NKAIN3: variants seen among roughly 807,000 people sequenced by gnomAD.
NKAIN3 encodes sodium/potassium transporting ATPase interacting 3.
NKAIN3 carries 25 observed loss-of-function variants against 30.2 expected under a neutral mutation model. The observed-to-expected ratio is 0.83, with a 90% CI of 0.60 to 1.16. The LOEUF (loss-of-function observed/expected upper bound fraction) is 1.16. NKAIN3 is among the 50% of genes most tolerant of loss of function. NKAIN3 has a pLI of 0.00. For missense variants in NKAIN3, 225 were observed against 254.1 expected (o/e 0.89, Z 0.78); for synonymous variants, 91 against 89.6 (o/e 1.02, Z -0.09).
intron 4 of NKAIN3, among the ~76,000 whole-genome samples, chr8:62,811,719 T>A (rs141949950): frequency 9.3e-4 from 142 of 152,160 alleles, no homozygotes; most frequent in African/African-American, 3.2e-3. Context: ...ATATTTAGAT[T>A]TTTTTGCTTT....
intron 4 of NKAIN3, among the ~76,000 whole-genome samples, chr8:62,899,388 T>G (rs1821532702): frequency 6.6e-6 from 1 of 152,002 alleles, no homozygotes; most frequent in South Asian, 2.1e-4. Flanking sequence ...CACAATGGAG[T>G]ACTGTTCAGC....
intron 1 of NKAIN3, among the ~76,000 whole-genome samples, chr8:62,574,215 CA>C (rs1217713179): frequency 6.6e-6 from 1 of 152,102 alleles, no homozygotes; most frequent in Non-Finnish European, 1.5e-5. Flanking sequence ...ATACAAATGA[CA>C]GGATCTTATT....
rs112732051 is a variant in NKAIN3, at chr8:62,575,528, G to A, written c.55-4011G>A. 5.1e-3 allele frequency among the ~76,000 whole-genome samples: 774 copies of A among 152,158 alleles called. 2 individuals carry two copies. The highest frequency in any genetic ancestry group is 6.0e-3 in the Non-Finnish European group (407 of 67,968). On this transcript the variant is annotated intron_variant, in intron 1 of 6. Coordinates refer to ENST00000623646, the MANE Select transcript of NKAIN3 (RefSeq NM_001304533.3). The stretch of plus-strand genomic sequence containing the variant: ...TTGAAAGAATCAATATTGTTAAAAT[G>A]TCTACACTACCCAAGGCAATCCACA...
chr8:62,284,711 C>A (rs1248320309), intron 1 of NKAIN3, among the ~76,000 whole-genome samples: 1 of 151,952 alleles, frequency 6.6e-6, no homozygotes, highest in Non-Finnish European at 1.5e-5. Flanking sequence ...CAAGATCCAG[C>A]AGTAACAAAG....
intron 3 of NKAIN3, among the ~76,000 whole-genome samples, chr8:62,612,126 T>C (rs950756184): frequency 6.6e-6 from 1 of 152,070 alleles, no homozygotes; most frequent in African/African-American, 2.4e-5. Context: ...TGCCTATTTT[T>C]TGATCAGATT....
In NKAIN3 at chr8:62,606,096, T is replaced by C. The variant is rs181290115; in HGVS notation, c.273+16302T>C. Among the ~76,000 whole-genome samples the C allele has an allele frequency of 3.3e-5, 5 of 152,214 alleles. No homozygotes were observed. In the East Asian group the frequency reaches 9.7e-4, roughly 29 times the overall value. On this transcript the variant is annotated intron_variant, in intron 3 of 6. Coordinates refer to ENST00000623646, the MANE Select transcript of NKAIN3 (RefSeq NM_001304533.3). ...ACTCTTAAAAATTCCTTATAATAAATGTGCGTCGATCCACCATCTCCATCT... is the reference window on the plus strand; with the variant it reads ...ACTCTTAAAAATTCCTTATAATAAACGTGCGTCGATCCACCATCTCCATCT...
intron 3 of NKAIN3, among the ~76,000 whole-genome samples, chr8:62,653,759 A>G (rs1259640250): frequency 3.9e-5 from 6 of 152,244 alleles, no homozygotes; most frequent in Non-Finnish European, 7.4e-5. Flanking sequence ...AAAAGGGTCC[A>G]TCAGCCCTAC....
chr8:62,946,398 T>C (rs997468975), intron 5 of NKAIN3, among the ~76,000 whole-genome samples: 2 of 152,138 alleles, frequency 1.3e-5, no homozygotes, highest in Admixed American at 1.3e-4. Context: ...TACTGAATGC[T>C]CAGATTCTTC....
chr8:62,494,939 T>C (rs1807187787), intron 1 of NKAIN3, among the ~76,000 whole-genome samples: 1 of 152,144 alleles, frequency 6.6e-6, no homozygotes, highest in African/African-American at 2.4e-5. Context: ...ATCAATCTTA[T>C]TAGCTTTTTC....
intron 3 of NKAIN3, among the ~76,000 whole-genome samples, chr8:62,730,574 A>G (rs956563534): frequency 1.3e-5 from 2 of 152,180 alleles, no homozygotes; most frequent in African/African-American, 4.8e-5. Flanking sequence ...CTTTGGTGCT[A>G]TATGAATTAA....
At chr8:62,594,751 C>A (rs984014054) in intron 3 of NKAIN3, among the ~76,000 whole-genome samples, 1 of 151,830 alleles carries the variant, frequency 6.6e-6, no homozygotes, top group Non-Finnish European at 1.5e-5. Flanking sequence ...TAGACAATGA[C>A]TTTAGATTTT....
chr8:62,515,915 G>A (rs118081421), intron 1 of NKAIN3, among the ~76,000 whole-genome samples: 3,225 of 152,122 alleles, frequency 0.021, 60 homozygotes, highest in Non-Finnish European at 0.031. Flanking sequence ...TGTGTTTCCT[G>A]TCTTCTTGAT....
intron 4 of NKAIN3, among the ~76,000 whole-genome samples, chr8:62,747,543 C>T (rs1474224991): frequency 6.6e-6 from 1 of 152,152 alleles, no homozygotes; most frequent in Non-Finnish European, 1.5e-5. Flanking sequence ...CCTGACATTT[C>T]ATTTATTCCT....
At chr8:62,421,930 T>C (rs887167797) in intron 1 of NKAIN3, among the ~76,000 whole-genome samples, 1 of 151,940 alleles carries the variant, frequency 6.6e-6, no homozygotes, top group Non-Finnish European at 1.5e-5. Context: ...AACTCAAGCC[T>C]CCAGGGCTCT....
chr8:62,901,350 C>T (rs1028601438), intron 4 of NKAIN3, among the ~76,000 whole-genome samples: 7 of 152,164 alleles, frequency 4.6e-5, no homozygotes, highest in African/African-American at 1.4e-4. Flanking sequence ...CCAATATGAG[C>T]TACTTCCCAC....
In NKAIN3 at chr8:62,817,454, G is replaced by A. The variant is rs533733725; in HGVS notation, c.471+70325G>A. On this transcript the variant is annotated intron_variant, in intron 4 of 6. Coordinates refer to ENST00000623646, the MANE Select transcript of NKAIN3 (RefSeq NM_001304533.3). ...TTCCTCCCAGATTCACCTTCTTCTG[G>A]TCTGGCATTCTTGGCAGCTTCCAGT... Among the ~76,000 whole-genome samples the A allele has an allele frequency of 2.0e-5, 3 of 151,998 alleles. No homozygotes were observed. In the South Asian group the frequency reaches 6.2e-4, roughly 32 times the overall value.
intron 1 of NKAIN3, among the ~76,000 whole-genome samples, chr8:62,461,287 GATT>G (rs1805993893): frequency 2.0e-5 from 3 of 152,204 alleles, no homozygotes. Context: ...TACTTTACAG[GATT>G]ATTCCAGAAT....
chr8:62,410,862 A>G (rs575473719), intron 1 of NKAIN3, among the ~76,000 whole-genome samples: 64 of 152,224 alleles, frequency 4.2e-4, no homozygotes, highest in African/African-American at 1.3e-3. Context: ...AAATTGAGTC[A>G]GAAAAAAAAC....
intron 1 of NKAIN3, among the ~76,000 whole-genome samples, chr8:62,392,528 A>C (rs1441438092): frequency 2.0e-5 from 3 of 152,028 alleles, no homozygotes; most frequent in Non-Finnish European, 4.4e-5. Context: ...TTAACTTCAA[A>C]AAGTTATCTC....
Sources: gnomAD v4.1 joint callset for allele counts (sites outside exome capture counted in the v4.1 genomes callset) on GRCh38, gnomAD v4.1.1 for gene constraint, MANE v1.5 for transcripts, NCBI Gene and HGNC (gene_info 2026-07-23, HGNC 2026-07-21) for gene names.